MYLK4: variants seen among roughly 807,000 people sequenced by gnomAD.
MYLK4 encodes the protein myosin light chain kinase family member 4.
MYLK4 carries 46 observed loss-of-function variants against 48.1 expected under a neutral mutation model. That is an observed-to-expected ratio of 0.96 (90% CI 0.75 to 1.22). The LOEUF is 1.22. Ranked by LOEUF, MYLK4 falls within the 50% of genes most tolerant of loss-of-function variation. The probability of loss-of-function intolerance (pLI) is 0.00; values close to 1 mark genes in which losing one functional copy is unlikely to be tolerated. For missense variants in MYLK4, 451 were observed against 486.1 expected (o/e 0.93, Z 0.68); for synonymous variants, 170 against 180.8 (o/e 0.94, Z 0.48).
At chr6:2,680,329 C>T (rs373095143) in intron 7 of MYLK4, 38 bp from the exon 8 acceptor site, 6 of 1,612,260 alleles carry the variant, frequency 3.7e-6, no homozygotes, top group Admixed American at 3.3e-5. Context: ...ATGAAAACAA[C>T]CATCATTCAC....
rs148305644 is a variant in MYLK4 at position 2,719,924 on chromosome 6, G to C, written c.160-27065C>G. On this transcript the variant is annotated intron_variant, in intron 2 of 12. Coordinates refer to ENST00000274643, the MANE Select transcript of MYLK4 (RefSeq NM_001012418.5). ...AGGCTGAGGCGGGTGGATCACCTGA[G>C]GTCAGGAGTTCGAGACCAGCCTGGT... Among the ~76,000 whole-genome samples the C allele has an allele frequency of 3.5e-3, 524 of 151,616 alleles. 2 individuals carry two copies. Among genetic ancestry groups the C allele is most frequent in the Admixed American group, 5.5e-3 (84 of 15,224 alleles).
intron 2 of MYLK4, among the ~76,000 whole-genome samples, chr6:2,739,923 C>T (rs1035783296): frequency 6.6e-6 from 1 of 152,344 alleles, no homozygotes; most frequent in South Asian, 2.1e-4. Context: ...CCTGCATATA[C>T]TGTTGTGTAA....
chr6:2,683,711 A>G (rs983978047), intron 6 of MYLK4, among the ~76,000 whole-genome samples: 4 of 151,988 alleles, frequency 2.6e-5, no homozygotes, highest in Non-Finnish European at 4.4e-5. Flanking sequence ...GAGCCACCAC[A>G]CCGGCCCTCA....
chr6:2,760,577 T>C, the MYLK4 span, among the ~76,000 whole-genome samples: 1 of 152,186 alleles, frequency 6.6e-6, no homozygotes, highest in East Asian at 1.9e-4. Context: ...TAGGCACTCC[T>C]AGCACTCAGG....
intron 2 of MYLK4, among the ~76,000 whole-genome samples, chr6:2,735,526 TA>T (rs1156462036): frequency 4.6e-5 from 7 of 152,326 alleles, no homozygotes; most frequent in Non-Finnish European, 8.8e-5. Context: ...AAATTATGCC[TA>T]AAATGTATTG....
chr6:2,688,760 A>C, intron 4 of MYLK4, 91 bp downstream of exon 4: 1 of 970,672 alleles, frequency 1.0e-6, no homozygotes, highest in East Asian at 2.4e-5. Flanking sequence ...TAATGTTTCT[A>C]GTTCTCAGGT....
intron 2 of MYLK4, among the ~76,000 whole-genome samples, chr6:2,728,291 C>A (rs1031553456): frequency 6.6e-6 from 1 of 152,180 alleles, no homozygotes; most frequent in African/African-American, 2.4e-5. Context: ...AAGACACAGG[C>A]AGTGCAGGGG....
intron 7 of MYLK4, among the ~76,000 whole-genome samples, chr6:2,681,659 A>G (rs1761308297): frequency 2.6e-5 from 4 of 152,198 alleles, no homozygotes; most frequent in Admixed American, 2.6e-4. Context: ...ATCTCCCCCC[A>G]CATACTGACA....
At chr6:2,700,245 T>C (rs1762237111) in intron 2 of MYLK4, among the ~76,000 whole-genome samples, 2 of 152,148 alleles carry the variant, frequency 1.3e-5, no homozygotes, top group South Asian at 4.2e-4. Context: ...CAAACTGTTC[T>C]AAGTTCTAAT....
At chr6:2,762,425 T>C in the MYLK4 span, among the ~76,000 whole-genome samples, 18 of 152,250 alleles carry the variant, frequency 1.2e-4, no homozygotes, top group Admixed American at 1.1e-3. Context: ...AAAGAAATTT[T>C]AGGCCTTATA....
Position 2,749,418 on chromosome 6 carries a change from G to T in MYLK4, c.-112-12C>A. 1 of 738,660 alleles carries T rather than the reference G, an allele frequency of 1.4e-6. No individual in the cohort carries two copies. Among genetic ancestry groups the T allele is most frequent in the East Asian group, 2.5e-5 (1 of 39,340 alleles). The allele number at this position is 738,660 out of a possible 1,614,324, so 45.8% of individuals were successfully genotyped here. On this transcript the variant is annotated splice_polypyrimidine_tract_variant and intron_variant, in intron 1 of 12. Transcript: ENST00000274643. The stretch of plus-strand genomic sequence containing the variant: ...CTTCTTTCTCTTGACTGCAAAGAAA[G>T]GAAACACAAAAAGTTCTCATCACGT...
intron 2 of MYLK4, among the ~76,000 whole-genome samples, chr6:2,709,189 C>T (rs577779967): frequency 7.9e-5 from 12 of 152,292 alleles, no homozygotes; most frequent in African/African-American, 2.2e-4. Context: ...AACTCTGCAC[C>T]AATCATTCCA....
chr6:2,739,111 T>C (rs895279490), intron 2 of MYLK4, among the ~76,000 whole-genome samples: 2 of 152,250 alleles, frequency 1.3e-5, no homozygotes, highest in African/African-American at 2.4e-5. Context: ...AGCCAATTCC[T>C]GACCTCACTA....
chr6:2,766,272 A>G, the MYLK4 span: 10 of 1,573,432 alleles, frequency 6.4e-6, no homozygotes, highest in Non-Finnish European at 8.6e-6. Context: ...GCTGCCGAGG[A>G]GATCCGACAG....
At chr6:2,692,637 A>C (rs1479840910) in intron 3 of MYLK4, 147 bp downstream of exon 3, 9 of 564,778 alleles carry the variant, frequency 1.6e-5, no homozygotes, top group Non-Finnish European at 2.5e-5. Context: ...AGCAAAAAAA[A>C]AAAAAGGGGG....
intron 2 of MYLK4, among the ~76,000 whole-genome samples, chr6:2,694,610 T>TGTGGTGGTAGTCGTGGTG (rs1761989156): frequency 2.4e-3 from 27 of 11,364 alleles, no homozygotes; most frequent in Non-Finnish European, 4.3e-3. Context: ...TGGTGATGAT[T>TGTGGTGGTAGTCGTGGTG]GTAGTGGTGA....
chr6:2,762,516 A>T, the MYLK4 span, among the ~76,000 whole-genome samples: 2 of 148,708 alleles, frequency 1.3e-5, no homozygotes, highest in Non-Finnish European at 3.0e-5. Flanking sequence ...TATCTCTATA[A>T]ATGTTTAAAA....
the MYLK4 span, among the ~76,000 whole-genome samples, chr6:2,769,103 C>T: frequency 2.0e-5 from 3 of 152,132 alleles, no homozygotes; most frequent in Non-Finnish European, 4.4e-5. Flanking sequence ...GTTGGCATAT[C>T]CCTGAGCTAT....
At chr6:2,715,948 C>A (rs1054798056) in intron 2 of MYLK4, among the ~76,000 whole-genome samples, 1 of 152,204 alleles carries the variant, frequency 6.6e-6, no homozygotes. Flanking sequence ...GCACTGCCAC[C>A]ACCCAGGCTA....
Sources: allele counts gnomAD v4.1 joint callset (sites outside exome capture counted in the v4.1 genomes callset), GRCh38; gene constraint gnomAD v4.1.1; transcripts MANE v1.5; gene names NCBI Gene and HGNC (gene_info 2026-07-23, HGNC 2026-07-21).